Variants in NDUFA5 observed in about 807,000 individuals in gnomAD.
NDUFA5 encodes NADH dehydrogenase [ubiquinone] 1 alpha subcomplex subunit 5.
Under a neutral mutation model 19.8 loss-of-function variants are expected in NDUFA5, and 11 were observed. That is an observed-to-expected ratio of 0.56 (90% confidence interval 0.35 to 0.92). NDUFA5 has a LOEUF of 0.92. NDUFA5 is among the 40% of genes least tolerant of loss of function. The pLI is 0.01. For missense variants in NDUFA5, 109 were observed against 134.2 expected, an observed-to-expected ratio of 0.81 and a Z score of 0.93; for synonymous variants, 47 against 46.8, an observed-to-expected ratio of 1.00 and a Z score of -0.01.
At chr7:123,591,039 G>A in the NDUFA5 span, among the ~76,000 whole-genome samples, 1 of 152,056 alleles carries the variant, frequency 6.6e-6, no homozygotes, top group African/African-American at 2.4e-5. Context: ...GGATTCCTAG[G>A]TATTTTATTC....
chr7:123,556,999 T>C (rs1476968671), intron 2 of NDUFA5: 2 of 463,210 alleles, frequency 4.3e-6, no homozygotes, highest in South Asian at 1.6e-5. Flanking sequence ...TGAATACAGA[T>C]GGAAAAGACC....
the NDUFA5 span, among the ~76,000 whole-genome samples, chr7:123,578,337 G>A: frequency 3.3e-4 from 50 of 151,742 alleles, no homozygotes; most frequent in African/African-American, 1.2e-3. Context: ...CAGTATTCCT[G>A]TGACTAGAAC....
chr7:123,587,415 A>T, the NDUFA5 span, among the ~76,000 whole-genome samples: 32,410 of 150,900 alleles, frequency 0.21, 3,676 homozygotes, highest in East Asian at 0.4. Context: ...CTTTACTGTA[A>T]TTGTTTATTA....
rs766305834 is a variant in NDUFA5, at chr7:123,540,890, G to GCGCACA, written c.*1228_*1229insTGTGCG. On this transcript the variant is annotated 3_prime_UTR_variant, in exon 5 of 5. Coordinates refer to ENST00000355749, the MANE Select transcript of NDUFA5 (RefSeq NM_005000.5). ...TCTGAGCAAATGTGCGCATGCGCGT[G>GCGCACA]CACACACACACACACACACACACAC... 3.9e-4 allele frequency: 52 copies of GCGCACA among 133,830 alleles called. No homozygotes were observed. Among genetic ancestry groups the GCGCACA allele is most frequent in the African/African-American group, 1.0e-3 (35 of 33,802 alleles). The allele number at this position is 133,830 out of a possible 1,614,324, so 8.3% of individuals were successfully genotyped here.
the NDUFA5 span, among the ~76,000 whole-genome samples, chr7:123,572,131 CTTTTTTTTT>C: frequency 7.7e-4 from 37 of 47,996 alleles, no homozygotes; most frequent in Admixed American, 2.7e-3. Context: ...TGTAGAATTT[CTTTTTTTTT>C]TTTTTTTTTT....
At chr7:123,574,683 C>T in the NDUFA5 span, among the ~76,000 whole-genome samples, 1 of 152,084 alleles carries the variant, frequency 6.6e-6, no homozygotes, top group East Asian at 1.9e-4. Context: ...TCCATTTCTC[C>T]ATCTCTGTGG....
chr7:123,557,620 C>T (rs755394254), intron 1 of NDUFA5, 155 bp downstream of exon 1: 2 of 1,613,472 alleles, frequency 1.2e-6, no homozygotes, highest in African/African-American at 1.3e-5. Context: ...AGCGGAACCA[C>T]TAACCTGCCC....
the NDUFA5 span, among the ~76,000 whole-genome samples, chr7:123,589,274 T>A: frequency 6.6e-6 from 1 of 150,474 alleles, no homozygotes; most frequent in African/African-American, 2.4e-5. Flanking sequence ...TTTAACCACT[T>A]CATCATTATA....
At chr7:123,601,134 G>T in the NDUFA5 span, among the ~76,000 whole-genome samples, 12 of 152,132 alleles carry the variant, frequency 7.9e-5, no homozygotes, top group Non-Finnish European at 1.5e-4. Context: ...GGATAGCTGT[G>T]TCAAAACAAA....
chr7:123,564,867 C>T, the NDUFA5 span, among the ~76,000 whole-genome samples: 1 of 149,428 alleles, frequency 6.7e-6, no homozygotes, highest in East Asian at 2.0e-4. Flanking sequence ...GGTATATAGC[C>T]CCTTTGTAAG....
chr7:123,587,062 G>T, the NDUFA5 span, among the ~76,000 whole-genome samples: 3 of 151,330 alleles, frequency 2.0e-5, no homozygotes, highest in Non-Finnish European at 4.4e-5. Flanking sequence ...GTCTTTTTTG[G>T]TTCCATACAA....
chr7:123,570,768 A>G, the NDUFA5 span, among the ~76,000 whole-genome samples: 1 of 152,142 alleles, frequency 6.6e-6, no homozygotes, highest in Non-Finnish European at 1.5e-5. Context: ...AGGTTTATAT[A>G]TCTTTGCTTC....
At chr7:123,601,054 T>C in the NDUFA5 span, among the ~76,000 whole-genome samples, 7 of 152,130 alleles carry the variant, frequency 4.6e-5, no homozygotes, top group South Asian at 2.1e-4. Context: ...CGAGTTGTTT[T>C]AGTAGGGGGG....
chr7:123,557,685 A>C, intron 1 of NDUFA5, 90 bp downstream of exon 1: 6 of 1,614,070 alleles, frequency 3.7e-6, no homozygotes, highest in Non-Finnish European at 5.1e-6. Flanking sequence ...AGCCCGCGAC[A>C]GTAGGGGTCA....
chr7:123,548,601 G>T (rs2116110721), intron 3 of NDUFA5, among the ~76,000 whole-genome samples: 1 of 152,328 alleles, frequency 6.6e-6, no homozygotes, highest in Non-Finnish European at 1.5e-5. Context: ...CCAGCAGTTT[G>T]GTACTGCTTA....
At chr7:123,553,344 T>C (rs964574600) in intron 2 of NDUFA5, among the ~76,000 whole-genome samples, 5 of 152,216 alleles carry the variant, frequency 3.3e-5, no homozygotes, top group South Asian at 2.1e-4. Context: ...CAAGAGAGCA[T>C]GTGCAGGGGA....
intron 2 of NDUFA5, chr7:123,555,542 GA>G (rs1237420688): frequency 1.2e-4 from 18 of 152,238 alleles, no homozygotes; most frequent in African/African-American, 4.3e-4. Context: ...AGAAAGATCT[GA>G]AACTATCAAG....
chr7:123,551,363 C>T (rs1214535787), intron 2 of NDUFA5: 4 of 157,140 alleles, frequency 2.5e-5, no homozygotes, highest in African/African-American at 7.2e-5. Flanking sequence ...TACCCGCCAC[C>T]ATACCTGGCT....
the NDUFA5 span, among the ~76,000 whole-genome samples, chr7:123,592,978 G>C: frequency 6.6e-6 from 1 of 151,766 alleles, no homozygotes; most frequent in Non-Finnish European, 1.5e-5. Flanking sequence ...TATATATTTA[G>C]GATAGTTAGT....
Sources: gnomAD v4.1 joint callset for allele counts (sites outside exome capture counted in the v4.1 genomes callset) on GRCh38, gnomAD v4.1.1 for gene constraint, MANE v1.5 for transcripts, NCBI Gene and HGNC (gene_info 2026-07-23, HGNC 2026-07-21) for gene names.